Variants in PLAT observed in about 807,000 individuals in gnomAD.
PLAT encodes the protein tissue-type plasminogen activator.
Under a neutral mutation model 74.9 loss-of-function variants are expected in PLAT, and 48 were observed. That is an observed-to-expected ratio of 0.64 (90% CI 0.51 to 0.82). The LOEUF (loss-of-function observed/expected upper bound fraction) is 0.82. PLAT is among the 40% of genes least tolerant of loss of function. PLAT has a pLI of 0.00. For synonymous variants in PLAT, 307 were observed against 294.4 expected (o/e 1.04, Z -0.44); for missense variants, 673 against 736.2 (o/e 0.91, Z 0.99).
At chr8:42,205,964 C>T (rs971950662) in intron 1 of PLAT, among the ~76,000 whole-genome samples, 29 of 152,214 alleles carry the variant, frequency 1.9e-4, no homozygotes, top group African/African-American at 6.8e-4. Context: ...TGCTCAGCAA[C>T]GTCAGGCCCT....
intron 1 of PLAT, among the ~76,000 whole-genome samples, chr8:42,203,989 A>G (rs1332903957): frequency 1.7e-4 from 21 of 125,128 alleles, no homozygotes; most frequent in Admixed American, 1.5e-3. Context: ...ATATATATAT[A>G]TATACACACA....
intron 11 of PLAT, 43 bp downstream of exon 11, chr8:42,180,199 G>T: frequency 6.2e-7 from 1 of 1,611,668 alleles, no homozygotes; most frequent in Non-Finnish European, 8.5e-7. Context: ...TGGGTGTGTT[G>T]TGTGATCTGT....
At chr8:42,188,153 A>G (rs1805557002) in intron 4 of PLAT, 137 bp from the exon 5 acceptor site, 1 of 571,386 alleles carries the variant, frequency 1.8e-6, no homozygotes, top group East Asian at 2.9e-5. Context: ...CCAGTTCTGC[A>G]TCCTACAAAT....
chr8:42,205,965 G>A (rs981646754), intron 1 of PLAT, among the ~76,000 whole-genome samples: 2 of 152,184 alleles, frequency 1.3e-5, no homozygotes, highest in African/African-American at 4.8e-5. Context: ...GCTCAGCAAC[G>A]TCAGGCCCTG....
intron 5 of PLAT, 126 bp from the exon 6 acceptor site, chr8:42,187,698 G>C (rs1201785540): frequency 2.2e-6 from 2 of 923,204 alleles, no homozygotes; most frequent in African/African-American, 3.3e-5. Context: ...CCACAGGCTG[G>C]GTGGCAAGGG....
At chr8:42,195,967 C>T (rs1442449709) in intron 1 of PLAT, among the ~76,000 whole-genome samples, 1 of 152,234 alleles carries the variant, frequency 6.6e-6, no homozygotes, top group African/African-American at 2.4e-5. Context: ...TAGGCTCCTG[C>T]ACCCCAGCCT....
chr8:42,182,664 C>T, intron 8 of PLAT, 55 bp downstream of exon 8: 2 of 1,374,842 alleles, frequency 1.5e-6, no homozygotes, highest in Non-Finnish European at 2.0e-6. Flanking sequence ...CCCCGTCTCA[C>T]ACCCTAATCC....
chr8:42,178,711 T>G (rs1805077661), intron 13 of PLAT, among the ~76,000 whole-genome samples, 186 bp downstream of exon 13: 1 of 152,220 alleles, frequency 6.6e-6, no homozygotes, highest in African/African-American at 2.4e-5. Flanking sequence ...ATTCTTAGGT[T>G]TAGGTGACTT....
chr8:42,189,155 C>T, intron 3 of PLAT, 84 bp from the exon 4 acceptor site: 1 of 1,435,510 alleles, frequency 7.0e-7, no homozygotes, highest in Non-Finnish European at 9.7e-7. Context: ...GAGAAAACTC[C>T]CTCACTTGCT....
chr8:42,183,456 GT>G (rs8178773), intron 7 of PLAT, among the ~76,000 whole-genome samples: 1,846 of 152,270 alleles, frequency 0.012, 34 homozygotes, highest in African/African-American at 0.04. Flanking sequence ...AGTGGGGGCT[GT>G]TTCTGAAGCT....
chr8:42,176,354 C>T (rs1261968425), intron 13 of PLAT, among the ~76,000 whole-genome samples: 1 of 152,152 alleles, frequency 6.6e-6, no homozygotes, highest in East Asian at 1.9e-4. Context: ...GGGTTTTGTC[C>T]AGGTACCCCG....
chr8:42,192,036 G>T (rs995867016), intron 2 of PLAT, among the ~76,000 whole-genome samples: 1 of 141,824 alleles, frequency 7.1e-6, no homozygotes, highest in Non-Finnish European at 1.5e-5. Flanking sequence ...CAGGATCTCA[G>T]TTTGTCACCC....
chr8:42,191,437 G>C (rs1251238471), intron 2 of PLAT, 23 bp from the exon 3 acceptor site: 1 of 1,612,872 alleles, frequency 6.2e-7, no homozygotes, highest in Non-Finnish European at 8.5e-7. Flanking sequence ...CAGAGGTGGA[G>C]GAAGGATCAG....
At position 42,182,788 on chromosome 8, in the gene PLAT, A is replaced by G. The variant is rs377138710; in HGVS notation, c.734T>C (p.Ile245Thr). 3.0e-5 allele frequency: 48 copies of G among 1,613,538 alleles called. No homozygotes were observed. In the African/African-American group the frequency reaches 4.8e-4, roughly 16 times the overall value. The change falls in exon 8 of 14, where the codon ATA becomes ACA. Residue 245 changes from isoleucine to threonine, a missense_variant. By Grantham distance (89) the Ile-to-Thr change is moderately conservative. Transcript: ENST00000220809. Reference protein sequence around the residue: ...SCLPWNSMILIGKVYTAQNPS... With the variant: ...SCLPWNSMILTGKVYTAQNPS... ...GTTCTGTGCTGTGTAAACCTTGCCT[A>G]TCAGGATCATGGAATTCCACGGGAG...
intron 7 of PLAT, 193 bp downstream of exon 7, chr8:42,184,888 G>A (rs773139715): frequency 1.9e-5 from 9 of 464,668 alleles, no homozygotes; most frequent in Non-Finnish European, 3.4e-5. Flanking sequence ...TCAGCTCCAG[G>A]TCAGACAAAT....
intron 2 of PLAT, among the ~76,000 whole-genome samples, chr8:42,192,002 C>CTTTTTTTTT (rs1177070988): frequency 1.6e-5 from 2 of 127,136 alleles, no homozygotes; most frequent in African/African-American, 2.9e-5. Flanking sequence ...TTGCCTTTTT[C>CTTTTTTTTT]TTTTTTTTTT....
intron 1 of PLAT, among the ~76,000 whole-genome samples, chr8:42,204,030 T>C (rs3020640): frequency 0.012 from 1,421 of 117,646 alleles, 13 homozygotes; most frequent in Non-Finnish European, 0.015. Flanking sequence ...CACACACACA[T>C]ACAAACACAT....
At chr8:42,194,801 C>T (rs1008124930) in intron 1 of PLAT, among the ~76,000 whole-genome samples, 3 of 151,450 alleles carry the variant, frequency 2.0e-5, no homozygotes, top group Admixed American at 6.6e-5. Context: ...CCCACCCCCC[C>T]CACCGCTCTG....
At position 42,192,696 on chromosome 8, in the gene PLAT, A is replaced by G. The variant is rs142408808; in HGVS notation, c.72+418T>C. 6.6e-5 allele frequency among the ~76,000 whole-genome samples: 10 copies of G among 152,346 alleles called. No individual in the cohort carries two copies. In the East Asian group the frequency reaches 1.7e-3, roughly 26 times the overall value. Reference sequence around the variant, plus strand: ...GGTGTGCATAGGATATGCAAACTCTACACCATTCTATATGAGGAACTTGAG... The same window carrying G: ...GGTGTGCATAGGATATGCAAACTCTGCACCATTCTATATGAGGAACTTGAG... On this transcript the variant is annotated intron_variant, in intron 2 of 13. Coordinates refer to ENST00000220809, the MANE Select transcript of PLAT (RefSeq NM_000930.5).
Sources: allele counts gnomAD v4.1 joint callset (sites outside exome capture counted in the v4.1 genomes callset), GRCh38; gene constraint gnomAD v4.1.1; transcripts MANE v1.5; gene names NCBI Gene and HGNC (gene_info 2026-07-23, HGNC 2026-07-21).